The following HAUS6 variants were observed in gnomAD, a reference collection of about 807,000 sequenced individuals.
HAUS6 encodes HAUS augmin like complex subunit 6, also known as HAUS augmin-like complex subunit 6.
HAUS6 carries 80 observed loss-of-function variants against 106.8 expected under a neutral mutation model. That is an observed-to-expected ratio of 0.75 (90% CI 0.63 to 0.90). The LOEUF (loss-of-function observed/expected upper bound fraction) is 0.90, where lower values mean the gene tolerates loss of function less well. HAUS6 is among the 40% of genes least tolerant of loss of function. HAUS6 has a pLI of 0.00. For missense variants in HAUS6, 1,155 were observed against 1,118.1 expected, an observed-to-expected ratio of 1.03 and a Z score of -0.47; for synonymous variants, 356 against 379.1, an observed-to-expected ratio of 0.94 and a Z score of 0.71.
intron 1 of HAUS6, among the ~76,000 whole-genome samples, chr9:19,097,199 G>T (rs897377861): frequency 6.8e-4 from 104 of 152,178 alleles, no homozygotes; most frequent in Middle Eastern, 3.4e-3. Context: ...GGCAAGGACT[G>T]CATGTCTAAA....
At chr9:19,085,965 T>A (rs1289942511) in intron 7 of HAUS6, among the ~76,000 whole-genome samples, 2 of 151,404 alleles carry the variant, frequency 1.3e-5, no homozygotes, top group African/African-American at 4.9e-5. Context: ...TCTATCAATA[T>A]CTTTATATAT....
At chr9:19,078,781 G>A (rs1297312723) in intron 9 of HAUS6, among the ~76,000 whole-genome samples, 2 of 148,004 alleles carry the variant, frequency 1.4e-5, no homozygotes, top group African/African-American at 5.0e-5. Context: ...TGGGAGACAA[G>A]AGTAAAACTC....
At position 19,060,136 on chromosome 9, in the gene HAUS6, T is replaced by C; in HGVS notation, c.1717A>G (p.Asn573Asp). 6.2e-7 allele frequency: 1 copy of C among 1,607,624 alleles called. No individual in the cohort carries two copies. Among genetic ancestry groups the C allele is most frequent in the Middle Eastern group, 1.7e-4 (1 of 5,992 alleles). ...LEELIDSLGS[N>D]PFLTRNQIPR... ...ATCTGATTCCTTGTTAAGAAGGGGT[T>C]AGAACCCAGAGAGTCAATTAGTTCC... Residue 573 changes from asparagine (N) to aspartate (D), a missense_variant, in exon 15 of 17, where the codon AAC becomes GAC. Transcript: ENST00000380502.
At chr9:19,081,147 T>C (rs1837138677) in intron 8 of HAUS6, among the ~76,000 whole-genome samples, 1 of 152,136 alleles carries the variant, frequency 6.6e-6, no homozygotes, top group Admixed American at 6.6e-5. Context: ...TAAATAATTT[T>C]GGCCCAGTGA....
At chr9:19,099,063 C>T (rs1817927248) in intron 1 of HAUS6, among the ~76,000 whole-genome samples, 1 of 148,656 alleles carries the variant, frequency 6.7e-6, no homozygotes, top group African/African-American at 2.5e-5. Context: ...CATACCACTA[C>T]AGGGTCATAG....
intron 15 of HAUS6, 66 bp from the exon 16 acceptor site, chr9:19,059,067 T>G (rs1836547673): frequency 8.2e-6 from 7 of 855,640 alleles, no homozygotes; most frequent in African/African-American, 1.7e-5. Flanking sequence ...AATGAATCAT[T>G]TTATTTCTAA....
intron 4 of HAUS6, among the ~76,000 whole-genome samples, chr9:19,089,989 T>C (rs1817710706): frequency 1.3e-5 from 2 of 151,904 alleles, no homozygotes; most frequent in East Asian, 1.9e-4. Context: ...CGCACCACCA[T>C]GCCCAGCTAG....
rs541636091 is a variant in HAUS6 at position 19,096,554 on chromosome 9, G to C, written c.224+120C>G. ...CACTCCAGCCTCGATGACGGAGTGA[G>C]ACTCCGTCTCAAAAAAAAAAAAAAA... On this transcript the variant is annotated intron_variant, in intron 2 of 16. Transcript: ENST00000380502. 1.1e-4 allele frequency: 56 copies of C among 529,162 alleles called. No individual in the cohort carries two copies. The East Asian group carries it at 1.8e-3, about 17-fold the overall frequency. The allele number at this position is 529,162 out of a possible 1,614,324, so 32.8% of individuals were successfully genotyped here. A position where few individuals can be genotyped will look rare whatever the true frequency, so the allele number is the denominator to read the frequency against.
At chr9:19,074,881 T>C (rs990406629) in intron 11 of HAUS6, among the ~76,000 whole-genome samples, 4 of 152,218 alleles carry the variant, frequency 2.6e-5, no homozygotes, top group Non-Finnish European at 5.9e-5. Context: ...AGGTTAATTA[T>C]TGTACTATTC....
chr9:19,092,110 C>T lies in HAUS6; in HGVS notation c.436+1061G>A, dbSNP rs147998553. ...AAAGATTAAAATGTCTGGTCACATACGATGCTAATAAGCCTTTAGGAAAAC... is the reference window on the plus strand; with the variant it reads ...AAAGATTAAAATGTCTGGTCACATATGATGCTAATAAGCCTTTAGGAAAAC... On this transcript the variant is annotated intron_variant, in intron 4 of 16. Coordinates refer to ENST00000380502, the MANE Select transcript of HAUS6 (RefSeq NM_017645.5). Among the ~76,000 whole-genome samples the T allele has an allele frequency of 4.1e-3, 626 of 152,154 alleles. 7 individuals carry two copies. Among genetic ancestry groups the T allele is most frequent in the Admixed American group, 0.015 (224 of 15,274 alleles).
At chr9:19,096,591 G>T in intron 2 of HAUS6, 83 bp downstream of exon 2, 2 of 467,360 alleles carry the variant, frequency 4.3e-6, no homozygotes, top group Non-Finnish European at 7.3e-6. Flanking sequence ...AAAAAAAAAG[G>T]AGAGAATTCT....
chr9:19,100,895 G>C (rs1352216053), intron 1 of HAUS6, among the ~76,000 whole-genome samples: 1 of 152,164 alleles, frequency 6.6e-6, no homozygotes, highest in Non-Finnish European at 1.5e-5. Flanking sequence ...GGACCTCATG[G>C]AGGTAGGGAG....
chr9:19,062,090 C>T (rs915595560), intron 14 of HAUS6, among the ~76,000 whole-genome samples: 3 of 152,172 alleles, frequency 2.0e-5, no homozygotes, highest in Non-Finnish European at 2.9e-5. Context: ...CAGAATTTAG[C>T]TTGAGTGAAA....
At chr9:19,097,649 C>G (rs953378886) in intron 1 of HAUS6, among the ~76,000 whole-genome samples, 1 of 152,168 alleles carries the variant, frequency 6.6e-6, no homozygotes, top group Admixed American at 6.5e-5. Context: ...AATATGTCAC[C>G]TCACCCTAGA....
In HAUS6 at chr9:19,080,640, T is replaced by G; in HGVS notation, c.903A>C (p.Lys301Asn). 6.2e-7 allele frequency: 1 copy of G among 1,608,918 alleles called. No individual in the cohort carries two copies. Among genetic ancestry groups the G allele is most frequent in the Non-Finnish European group, 8.5e-7 (1 of 1,176,122 alleles). Residue 301 changes from lysine (K) to asparagine (N), a missense_variant, in exon 9 of 17, where the codon AAA (lysine) becomes AAC (asparagine). Coordinates refer to ENST00000380502, the MANE Select transcript of HAUS6 (RefSeq NM_017645.5). Reference sequence around the variant, plus strand: ...ACTGAATAACTGTTAAGAGGTTCAGTTTTCCAGCCTCATAAACATTTCCTA... The same window carrying G: ...ACTGAATAACTGTTAAGAGGTTCAGGTTTCCAGCCTCATAAACATTTCCTA... ...LHIGNVYEAG[K>N]LNLLTVIQLL...
intron 1 of HAUS6, 127 bp downstream of exon 1, chr9:19,102,397 C>T: frequency 9.7e-7 from 1 of 1,033,552 alleles, no homozygotes; most frequent in Non-Finnish European, 1.4e-6. Flanking sequence ...ACTTTGGAGC[C>T]AATGCCTGGC....
chr9:19,093,090 A>C, intron 4 of HAUS6, 81 bp downstream of exon 4: 1 of 991,504 alleles, frequency 1.0e-6, no homozygotes, highest in South Asian at 1.7e-5. Context: ...TTTTACTAAG[A>C]TCTCTTCACG....
rs773333855 is a variant in HAUS6, at chr9:19,055,004, T to G, written c.*1339A>C. On this transcript the variant is annotated 3_prime_UTR_variant, in exon 17 of 17. Transcript: ENST00000380502. ...AGAAAACAGCAACTTAGGAGAAGAT[T>G]TTTTCTTTCTCCTTTTCCATTGCAA... 1.6e-4 allele frequency: 24 copies of G among 152,204 alleles called. No individual in the cohort carries two copies. Among genetic ancestry groups the G allele is most frequent in the Non-Finnish European group, 3.1e-4 (21 of 68,038 alleles). The allele number at this position is 152,204 out of a possible 1,614,324, so 9.4% of individuals were successfully genotyped here.
intron 11 of HAUS6, among the ~76,000 whole-genome samples, chr9:19,071,045 G>C (rs1034473300): frequency 6.6e-6 from 1 of 152,140 alleles, no homozygotes; most frequent in East Asian, 1.9e-4. Flanking sequence ...CCAAGGGCTC[G>C]ACCTCTTTCA....
Sources: allele counts gnomAD v4.1 joint callset (sites outside exome capture counted in the v4.1 genomes callset), GRCh38; gene constraint gnomAD v4.1.1; transcripts MANE v1.5; gene names NCBI Gene and HGNC (gene_info 2026-07-23, HGNC 2026-07-21).